SMYD3: variants seen among roughly 807,000 people sequenced by gnomAD.
SMYD3 encodes histone-lysine N-methyltransferase SMYD3.
A neutral mutation model predicts 57.7 loss-of-function variants in SMYD3; 36 were observed. That is an observed-to-expected ratio of 0.62 (90% CI 0.48 to 0.82). The LOEUF (loss-of-function observed/expected upper bound fraction) is 0.82, where lower values mean the gene tolerates loss of function less well. Among genes scored for constraint, SMYD3 ranks in the 40% least tolerant of loss-of-function variants. The probability of loss-of-function intolerance (pLI) is 0.00; values close to 1 mark genes in which losing one functional copy is unlikely to be tolerated. For synonymous variants in SMYD3, 211 were observed against 195.0 expected, an observed-to-expected ratio of 1.08 and a Z score of -0.68; for missense variants, 515 against 538.8, an observed-to-expected ratio of 0.96 and a Z score of 0.44.
intron 5 of SMYD3, among the ~76,000 whole-genome samples, chr1:246,050,664 G>T (rs1312647617): frequency 6.6e-6 from 1 of 152,144 alleles, no homozygotes; most frequent in Non-Finnish European, 1.5e-5. Context: ...AACTAAAATG[G>T]TGAACGCTGA....
chr1:246,442,589 A>G (rs1424258679), intron 1 of SMYD3, among the ~76,000 whole-genome samples: 1 of 135,312 alleles, frequency 7.4e-6, no homozygotes, highest in Non-Finnish European at 1.7e-5. Context: ...CTGAAAAGAG[A>G]AAACAAAGTA....
chr1:246,147,078 A>T (rs1394371889), intron 5 of SMYD3, among the ~76,000 whole-genome samples: 1 of 152,162 alleles, frequency 6.6e-6, no homozygotes, highest in Non-Finnish European at 1.5e-5. Flanking sequence ...AAGCACCCGG[A>T]GTATTTACAA....
At chr1:246,256,682 T>G (rs2791298) in intron 5 of SMYD3, among the ~76,000 whole-genome samples, 40,477 of 151,980 alleles carry the variant, frequency 0.27, 6,069 homozygotes, top group East Asian at 0.58. Flanking sequence ...GCTCTGCTCT[T>G]ATTTTAGTTA....
intron 5 of SMYD3, among the ~76,000 whole-genome samples, chr1:246,221,574 G>A (rs943672554): frequency 7.0e-4 from 107 of 152,174 alleles, no homozygotes; most frequent in Non-Finnish European, 3.1e-4. Flanking sequence ...CCAAGTTTCC[G>A]GGATGTCACC....
At chr1:246,298,679 A>G (rs1228845493) in intron 5 of SMYD3, among the ~76,000 whole-genome samples, 1 of 152,136 alleles carries the variant, frequency 6.6e-6, no homozygotes, top group Non-Finnish European at 1.5e-5. Flanking sequence ...TGGACCATCA[A>G]GAATATGCAA....
intron 10 of SMYD3, among the ~76,000 whole-genome samples, chr1:245,807,892 TAA>T (rs1376594409): frequency 4.6e-5 from 7 of 152,140 alleles, no homozygotes; most frequent in African/African-American, 1.7e-4. Flanking sequence ...AATTACCAGT[TAA>T]GCTGAATAGC....
chr1:246,394,837 TTTA>T (rs2066632123), intron 1 of SMYD3, among the ~76,000 whole-genome samples: 1 of 152,116 alleles, frequency 6.6e-6, no homozygotes, highest in African/African-American at 2.4e-5. Context: ...TCAGCTACTC[TTTA>T]TTATATGAGA....
intron 5 of SMYD3, among the ~76,000 whole-genome samples, chr1:246,006,034 G>GGAAGGAA (rs2059162277): frequency 1.1e-5 from 1 of 92,482 alleles, no homozygotes. Context: ...TGAAAGGGGA[G>GGAAGGAA]AAAAGGCGGG....
At chr1:245,944,098 C>G (rs2057355059) in intron 5 of SMYD3, among the ~76,000 whole-genome samples, 1 of 152,154 alleles carries the variant, frequency 6.6e-6, no homozygotes, top group Admixed American at 6.5e-5. Context: ...GATGCCCTCT[C>G]TCACCACTCC....
intron 5 of SMYD3, among the ~76,000 whole-genome samples, chr1:246,277,921 T>C (rs191478531): frequency 1.3e-4 from 20 of 152,296 alleles, no homozygotes; most frequent in Admixed American, 9.8e-4. Context: ...TCACGGAAAG[T>C]TCTGTATCTT....
intron 5 of SMYD3, among the ~76,000 whole-genome samples, chr1:246,247,523 C>T (rs1221174182): frequency 1.4e-5 from 2 of 142,160 alleles, no homozygotes; most frequent in African/African-American, 5.6e-5. Context: ...TATATACACA[C>T]GAGTTAAAAA....
chr1:245,828,844 A>T (rs903088353), intron 10 of SMYD3, among the ~76,000 whole-genome samples: 1 of 152,050 alleles, frequency 6.6e-6, no homozygotes, highest in Admixed American at 6.6e-5. Flanking sequence ...CTGGGATTAC[A>T]GGCATGAGCC....
intron 1 of SMYD3, among the ~76,000 whole-genome samples, chr1:246,455,703 T>A (rs777205900): frequency 6.6e-6 from 1 of 152,246 alleles, no homozygotes; most frequent in Non-Finnish European, 1.5e-5. Flanking sequence ...TTGAGAGCAA[T>A]AGACAACTGG....
intron 5 of SMYD3, among the ~76,000 whole-genome samples, chr1:246,264,404 T>C (rs1051103835): frequency 1.2e-4 from 19 of 152,194 alleles, no homozygotes; most frequent in African/African-American, 4.3e-4. Flanking sequence ...AATCCCAGCA[T>C]TTTGGGAAGC....
At chr1:245,802,328 C>A (rs570594739) in intron 10 of SMYD3, among the ~76,000 whole-genome samples, 1 of 152,280 alleles carries the variant, frequency 6.6e-6, no homozygotes, top group African/African-American at 2.4e-5. Flanking sequence ...TTCACCTCAA[C>A]TACACTAGTC....
intron 5 of SMYD3, among the ~76,000 whole-genome samples, chr1:245,999,222 G>A (rs929450971): frequency 1.6e-4 from 24 of 150,856 alleles, no homozygotes; most frequent in African/African-American, 5.4e-4. Flanking sequence ...AAAACAAGGT[G>A]GAAATAAAAA....
chr1:246,072,227 A>C (rs1161053183), intron 5 of SMYD3, among the ~76,000 whole-genome samples: 6 of 107,474 alleles, frequency 5.6e-5, no homozygotes, highest in Non-Finnish European at 1.1e-4. Flanking sequence ...CTCACTGTGG[A>C]TGCTTCCTGT....
chr1:246,241,843 T>G (rs2063617276), intron 5 of SMYD3, among the ~76,000 whole-genome samples: 1 of 152,188 alleles, frequency 6.6e-6, no homozygotes, highest in Non-Finnish European at 1.5e-5. Context: ...GTCGAGGAAT[T>G]TATCCATTTT....
intron 10 of SMYD3, among the ~76,000 whole-genome samples, chr1:245,800,287 C>T (rs1572370347): frequency 6.6e-6 from 1 of 152,134 alleles, no homozygotes; most frequent in Non-Finnish European, 1.5e-5. Flanking sequence ...CAGGTCCTTC[C>T]ATCGGAAGCT....
Sources: allele counts gnomAD v4.1 joint callset (sites outside exome capture counted in the v4.1 genomes callset), GRCh38; gene constraint gnomAD v4.1.1; transcripts MANE v1.5; gene names NCBI Gene and HGNC (gene_info 2026-07-23, HGNC 2026-07-21).